PATJ: variants seen among roughly 807,000 people sequenced by gnomAD.
The protein encoded by PATJ is inaD-like protein.
A neutral mutation model predicts 224.9 loss-of-function variants in PATJ; 190 were observed. That is an observed-to-expected ratio of 0.84 (90% CI 0.75 to 0.95). The LOEUF (loss-of-function observed/expected upper bound fraction) is 0.95, where lower values mean the gene tolerates loss of function less well. Among genes scored for constraint, PATJ ranks in the 40% least tolerant of loss-of-function variants. The probability of loss-of-function intolerance (pLI) is 0.00; values close to 1 mark genes in which losing one functional copy is unlikely to be tolerated. For synonymous variants in PATJ, 769 were observed against 820.3 expected, an observed-to-expected ratio of 0.94 and a Z score of 1.07; for missense variants, 2,121 against 2,270.3, an observed-to-expected ratio of 0.93 and a Z score of 1.34.
intron 6 of PATJ, among the ~76,000 whole-genome samples, chr1:61,772,106 GTTTT>G (rs753366748): frequency 8.7e-6 from 1 of 115,350 alleles, no homozygotes. Context: ...CATGACGGTC[GTTTT>G]TTTTTTTTTT....
At position 62,163,228 on chromosome 1, in the gene PATJ, TAA is replaced by T. The variant is rs751178783; in HGVS notation, c.*2175_*2176del. ...TTGAAAATGTCTTTCATGACGGTATTAAGTTTTCTGAAATTACACATGGCTTT... is the reference window on the plus strand; with the variant it reads ...TTGAAAATGTCTTTCATGACGGTATTGTTTTCTGAAATTACACATGGCTTT... On this transcript the variant is annotated 3_prime_UTR_variant, in exon 44 of 44. Coordinates refer to ENST00000642238, the MANE Select transcript of PATJ (RefSeq NM_001350145.3). The T allele has an allele frequency of 2.6e-5, 4 of 153,992 alleles. No individual in the cohort carries two copies. The highest frequency in any genetic ancestry group is 5.8e-5 in the Non-Finnish European group (4 of 68,952). 9.5% of individuals were successfully genotyped at this position (153,992 alleles called of 1,614,324 possible).
chr1:62,155,926 T>C (rs988508288), intron 43 of PATJ, among the ~76,000 whole-genome samples: 32 of 150,690 alleles, frequency 2.1e-4, no homozygotes, highest in South Asian at 6.3e-4. Context: ...GGCATGGTGG[T>C]AGGCGCCTGT....
chr1:62,000,240 C>T (rs113302608), intron 28 of PATJ, among the ~76,000 whole-genome samples: 9,380 of 148,714 alleles, frequency 0.063, 698 homozygotes, highest in East Asian at 0.39. Flanking sequence ...GGTACATGTG[C>T]ACAATGTGCA....
At chr1:61,989,834 C>T (rs1644963387) in intron 27 of PATJ, among the ~76,000 whole-genome samples, 1 of 152,180 alleles carries the variant, frequency 6.6e-6, no homozygotes, top group South Asian at 2.1e-4. Flanking sequence ...CTGTAACCTA[C>T]ATCTAAGGCC....
At chr1:62,088,007 T>TTA in intron 33 of PATJ, among the ~76,000 whole-genome samples, 1 of 112,626 alleles carries the variant, frequency 8.9e-6, no homozygotes, top group Non-Finnish European at 2.1e-5. Context: ...TTCTCCTGCC[T>TTA]CAGCCTCCTG....
chr1:61,782,523 T>C (rs1954436), intron 7 of PATJ, among the ~76,000 whole-genome samples: 25,109 of 152,162 alleles, frequency 0.17, 2,458 homozygotes, highest in East Asian at 0.47. Context: ...CTGCTGCTAA[T>C]GATGTAAAAG....
At chr1:61,744,767 C>A (rs1644940775) in intron 1 of PATJ, among the ~76,000 whole-genome samples, 1 of 152,156 alleles carries the variant, frequency 6.6e-6, no homozygotes, top group South Asian at 2.1e-4. Context: ...GGGATAGTGT[C>A]AGATCCCATA....
At chr1:61,915,539 T>C (rs890510659) in intron 26 of PATJ, among the ~76,000 whole-genome samples, 16 of 152,104 alleles carry the variant, frequency 1.1e-4, no homozygotes, top group Admixed American at 9.8e-4. Context: ...AAAAGTTTCT[T>C]TTGGGATTTT....
Position 62,161,274 on chromosome 1 carries a change from A to T in PATJ, c.*220A>T. ...TTCCTGTCACCTGTTGGCGAGGTTG[A>T]TTTCTAAAACTTAAATGAGTCTACC... On this transcript the variant is annotated 3_prime_UTR_variant, in exon 44 of 44. Transcript: ENST00000642238. 3.8e-6 allele frequency: 1 copy of T among 264,458 alleles called. No homozygotes were observed. Among genetic ancestry groups the T allele is most frequent in the Non-Finnish European group, 7.1e-6 (1 of 141,278 alleles). The allele number at this position is 264,458 out of a possible 1,614,324, so 16.4% of individuals were successfully genotyped here.
chr1:62,130,504 C>CA (rs1000585892), intron 41 of PATJ, among the ~76,000 whole-genome samples: 4 of 149,352 alleles, frequency 2.7e-5, no homozygotes, highest in Non-Finnish European at 4.5e-5. Context: ...CCCATCTCTA[C>CA]AAAAAAAATA....
rs60747316 is a variant in PATJ at position 62,062,392 on chromosome 1, C to CTTTTTTTTTTTTTTTTTTTTTT, written c.4125+11340_4125+11361dup. Among the ~76,000 whole-genome samples, 43 of 28,480 alleles carry CTTTTTTTTTTTTTTTTTTTTTT rather than the reference C, an allele frequency of 1.5e-3. 8 individuals are homozygous for CTTTTTTTTTTTTTTTTTTTTTT. Among genetic ancestry groups the CTTTTTTTTTTTTTTTTTTTTTT allele is most frequent in the East Asian group, 2.3e-3 (2 of 882 alleles). 18.7% of individuals were successfully genotyped at this position (28,480 alleles called of 152,430 possible). A position where few individuals can be genotyped will look rare whatever the true frequency, so the allele number is the denominator to read the frequency against. On this transcript the variant is annotated intron_variant, in intron 31 of 43. Coordinates refer to ENST00000642238, the MANE Select transcript of PATJ (RefSeq NM_001350145.3). ...TGGTTGGCTGCTTCTATGTTGTCTT[C>CTTTTTTTTTTTTTTTTTTTTTT]TTTTTTTTTTTTTTTTTTTTTTTTT...
intron 9 of PATJ, among the ~76,000 whole-genome samples, chr1:61,791,715 T>C (rs1224075488): frequency 6.6e-6 from 1 of 152,150 alleles, no homozygotes; most frequent in African/African-American, 2.4e-5. Flanking sequence ...GTTTGTAAAA[T>C]AGCTATATTA....
chr1:62,092,631 G>C (rs1320361896), intron 33 of PATJ, among the ~76,000 whole-genome samples: 2 of 151,844 alleles, frequency 1.3e-5, no homozygotes, highest in African/African-American at 2.4e-5. Flanking sequence ...GGCCAGGCTG[G>C]TCTTGAACTC....
chr1:62,038,102 A>G lies in PATJ; in HGVS notation c.4032+53A>G, dbSNP rs1295653914. ...TATATTAGATGGATTTGTCATGAGC[A>G]TTTTCCCCCAATCTGACATTTTTGA... On this transcript the variant is annotated intron_variant, in intron 30 of 43. Transcript: ENST00000642238. 1.4e-5 allele frequency: 15 copies of G among 1,099,982 alleles called. No homozygotes were observed. The East Asian group carries it at 3.4e-4, about 25-fold the overall frequency. The allele number at this position is 1,099,982 out of a possible 1,614,324, so 68.1% of individuals were successfully genotyped here.
chr1:61,823,163 A>G (rs1657613712), intron 15 of PATJ, 84 bp downstream of exon 15: 1 of 1,383,102 alleles, frequency 7.2e-7, no homozygotes, highest in East Asian at 2.3e-5. Context: ...CCCCTGAGTT[A>G]TAGTGTCACC....
chr1:61,948,206 G>T (rs1679057608), intron 27 of PATJ, among the ~76,000 whole-genome samples: 1 of 152,116 alleles, frequency 6.6e-6, no homozygotes, highest in East Asian at 1.9e-4. Context: ...AGCCAAAATT[G>T]ACAAATGGGA....
At chr1:62,090,009 T>A (rs1245472392) in intron 33 of PATJ, among the ~76,000 whole-genome samples, 1 of 152,132 alleles carries the variant, frequency 6.6e-6, no homozygotes, top group Non-Finnish European at 1.5e-5. Context: ...TTTGCTGTCT[T>A]TAGAGGAGTT....
rs1356937495 is a variant in PATJ, at chr1:62,106,158, G to GTGTGTGTATA, written c.4378-2278_4378-2277insGTGTGTATAT. Among the ~76,000 whole-genome samples the GTGTGTGTATA allele has an allele frequency of 1.2e-4, 6 of 48,062 alleles. 1 individual carries two copies. The highest frequency in any genetic ancestry group is 2.6e-4 in the Non-Finnish European group (6 of 22,824). 31.5% of individuals were successfully genotyped at this position (48,062 alleles called of 152,430 possible). ...TACATGTGTATATGTGTGTGTGTGT[G>GTGTGTGTATA]TATATATATATATATATATATATAT... On this transcript the variant is annotated intron_variant, in intron 33 of 43. Transcript: ENST00000642238.
intron 20 of PATJ, among the ~76,000 whole-genome samples, chr1:61,871,498 TATACATATATAC>T (rs1557793547): frequency 1.3e-4 from 17 of 131,880 alleles, no homozygotes; most frequent in African/African-American, 4.3e-4. Context: ...TATATGTATA[TATACATATATAC>T]GCATATATAT....
Sources: allele counts gnomAD v4.1 joint callset (sites outside exome capture counted in the v4.1 genomes callset), GRCh38; gene constraint gnomAD v4.1.1; transcripts MANE v1.5; gene names NCBI Gene and HGNC (gene_info 2026-07-23, HGNC 2026-07-21).